Variants in THOP1 observed in about 807,000 individuals in gnomAD.
THOP1 encodes thimet oligopeptidase 1.
In THOP1, 49 loss-of-function variants were observed where a neutral mutation model predicts 71.8. The ratio of observed to expected loss-of-function variants is 0.68; its 90% confidence interval spans 0.54 to 0.87. The LOEUF (loss-of-function observed/expected upper bound fraction) is 0.87. Among genes scored for constraint, THOP1 ranks in the 40% least tolerant of loss-of-function variants. THOP1 has a pLI of 0.00. For missense variants in THOP1, 843 were observed against 975.6 expected, an observed-to-expected ratio of 0.86 and a Z score of 1.81; for synonymous variants, 426 against 421.5, an observed-to-expected ratio of 1.01 and a Z score of -0.13.
chr19:2,785,696 C>T lies in THOP1; in HGVS notation c.16+18C>T, dbSNP rs761894309. On this transcript the variant is annotated intron_variant, in intron 1 of 12. Transcript: ENST00000307741. ...CCCCGCAGGTACCGACTACCCCGCT[C>T]GCCGGACCCGGGCGTCCCCTGCACC... is the stretch of plus-strand genomic sequence containing the variant. 1.5e-5 allele frequency: 22 copies of T among 1,444,152 alleles called. No individual in the cohort carries two copies. The highest frequency in any genetic ancestry group is 1.4e-5 in the Non-Finnish European group (15 of 1,092,838). 89.5% of individuals were successfully genotyped at this position (1,444,152 alleles called of 1,614,324 possible). A position where few individuals can be genotyped will look rare whatever the true frequency, so the allele number is the denominator to read the frequency against.
At chr19:2,794,492 T>C (rs1915964003) in intron 2 of THOP1, among the ~76,000 whole-genome samples, 1 of 152,240 alleles carries the variant, frequency 6.6e-6, no homozygotes, top group African/African-American at 2.4e-5. Flanking sequence ...GGGTCCTCCT[T>C]GGCTTGGAGG....
At chr19:2,807,324 A>T in intron 7 of THOP1, 118 bp from the exon 8 acceptor site, 1 of 1,419,546 alleles carries the variant, frequency 7.0e-7, no homozygotes. Flanking sequence ...GTTGCCGGGA[A>T]CTGCGGGTCC....
rs895809674 is a variant in THOP1 at position 2,815,314 on chromosome 19, G to C, written c.*2038G>C. The C allele has an allele frequency of 6.6e-6, 1 of 152,306 alleles. No homozygotes were observed. The highest frequency in any genetic ancestry group is 2.1e-4 in the South Asian group (1 of 4,836). 9.4% of individuals were successfully genotyped at this position (152,306 alleles called of 1,614,324 possible). ...AGCAGAGCTGGGGTCACAGCCTTGG[G>C]CTGCTGGGCCGTGGGCGGATGGCCT... On this transcript the variant is annotated 3_prime_UTR_variant, in exon 13 of 13. Transcript: ENST00000307741.
chr19:2,798,600 A>G (rs995918997), intron 4 of THOP1, among the ~76,000 whole-genome samples: 13 of 152,228 alleles, frequency 8.5e-5, no homozygotes, highest in African/African-American at 2.7e-4. Flanking sequence ...TGAGATGGCA[A>G]GAGGGGGAGA....
chr19:2,790,595 C>A lies in THOP1; in HGVS notation c.191C>A (p.Thr64Lys). The A allele has an allele frequency of 6.3e-7, 1 of 1,591,812 alleles. No homozygotes were observed. The highest frequency in any genetic ancestry group is 1.8e-5 in the Admixed American group (1 of 56,608). Residue 64 changes from threonine (T) to lysine (K), a missense_variant, in exon 2 of 13, where the codon ACG becomes AAG. By Grantham distance (78) the Thr-to-Lys change is moderately conservative. Transcript: ENST00000307741. ...QEFEDVSYES[T>K]LKALADVEVT... ...TTTGAGGACGTGTCCTACGAGAGCA[C>A]GCTCAAGGCGCTGGCCGATGTGGAG...
chr19:2,809,276 G>C (rs1360907957), intron 9 of THOP1, among the ~76,000 whole-genome samples: 2 of 151,154 alleles, frequency 1.3e-5, no homozygotes, highest in African/African-American at 5.0e-5. Context: ...CCTGAGCACA[G>C]CTTGCACACA....
intron 9 of THOP1, among the ~76,000 whole-genome samples, chr19:2,808,661 G>T (rs774882474): frequency 6.6e-6 from 1 of 152,272 alleles, no homozygotes; most frequent in Admixed American, 6.5e-5. Flanking sequence ...CACAAGGTGC[G>T]TGTATTTCCT....
chr19:2,803,618 G>A (rs899744728), intron 5 of THOP1, among the ~76,000 whole-genome samples: 2 of 152,200 alleles, frequency 1.3e-5, no homozygotes, highest in Non-Finnish European at 2.9e-5. Context: ...ACACACTGTC[G>A]AGATGGAGAG....
chr19:2,793,159 C>T (rs1327105871), intron 2 of THOP1, among the ~76,000 whole-genome samples: 1 of 151,210 alleles, frequency 6.6e-6, no homozygotes, highest in African/African-American at 2.4e-5. Flanking sequence ...TGGGCAACAG[C>T]AGCGAAACTC....
intron 12 of THOP1, chr19:2,812,414 A>G (rs567676416): frequency 4.0e-5 from 58 of 1,465,318 alleles, no homozygotes; most frequent in African/African-American, 1.4e-4. Flanking sequence ...TGCTCCCTTT[A>G]TAGAGGTGCA....
Position 2,804,126 on chromosome 19 carries a change from G to A in THOP1, c.590-890G>A, listed in dbSNP as rs1362438493. ...TCCACTCTGACCGCCCTGGGGTTGAGGTGAACCAGTCTTTGCATTGAAGCT... is the reference window on the plus strand; with the variant it reads ...TCCACTCTGACCGCCCTGGGGTTGAAGTGAACCAGTCTTTGCATTGAAGCT... On this transcript the variant is annotated intron_variant, in intron 5 of 12. Transcript: ENST00000307741. The surrounding 1 kb of genome is among the most constrained non-coding windows in gnomAD (Gnocchi z 4.7). Among the ~76,000 whole-genome samples the A allele has an allele frequency of 6.6e-6, 1 of 152,232 alleles. No homozygotes were observed. Among genetic ancestry groups the A allele is most frequent in the African/African-American group, 2.4e-5 (1 of 41,460 alleles).
Position 2,813,419 on chromosome 19 carries a change from C to A in THOP1, c.*143C>A. ...CGGCTGTCTTGCCTCTTGTCATTGT[C>A]TGTCCCCACCCGGTCGTGGCCCACC... On this transcript the variant is annotated 3_prime_UTR_variant, in exon 13 of 13. Coordinates refer to ENST00000307741, the MANE Select transcript of THOP1 (RefSeq NM_003249.5). 9.3e-7 allele frequency: 1 copy of A among 1,074,112 alleles called. No homozygotes were observed. Among genetic ancestry groups the A allele is most frequent in the Non-Finnish European group, 1.3e-6 (1 of 777,172 alleles). 66.5% of individuals were successfully genotyped at this position (1,074,112 alleles called of 1,614,324 possible). A position where few individuals can be genotyped will look rare whatever the true frequency, so the allele number is the denominator to read the frequency against.
Position 2,808,497 on chromosome 19 carries a change from TG to T in THOP1, c.1455+54del. 2.0e-6 allele frequency: 3 copies of T among 1,513,516 alleles called. No homozygotes were observed. In the African/African-American group the frequency reaches 4.1e-5, roughly 21 times the overall value. The allele number at this position is 1,513,516 out of a possible 1,614,324, so 93.8% of individuals were successfully genotyped here. The stretch of plus-strand genomic sequence containing the variant: ...GGCAGGGGCAGGGGCAGGGGCTGCC[TG>T]TGGTCAGCGAGGCCCAAGCCTGGGG... On this transcript the variant is annotated intron_variant, in intron 9 of 12. Transcript: ENST00000307741.
rs745679604 is a variant in THOP1 at position 2,807,517 on chromosome 19, G to A, written c.962G>A (p.Cys321Tyr). Residue 321 changes from cysteine (C) to tyrosine (Y), a missense_variant, in exon 8 of 13, where the codon TGC becomes TAC. Transcript: ENST00000307741. ...ATTCTGGAGCTGAAGCGTGCGGAGT[G>A]CGAGCGCCGGGGCCTGCCCTTCGAC... is the stretch of plus-strand genomic sequence containing the variant. The part of the protein sequence containing the change: ...AVILELKRAE[C>Y]ERRGLPFDGR... 6.2e-6 allele frequency: 10 copies of A among 1,611,968 alleles called. No homozygotes were observed. The East Asian group carries it at 2.2e-4, about 36-fold the overall frequency.
intron 4 of THOP1, among the ~76,000 whole-genome samples, chr19:2,796,956 G>C (rs141367606): frequency 6.6e-6 from 1 of 152,316 alleles, no homozygotes; most frequent in Non-Finnish European, 1.5e-5. Flanking sequence ...GAAGTCAAGC[G>C]TAGTGTGTTA....
chr19:2,806,112 C>G (rs1221273978), intron 6 of THOP1: 1 of 152,416 alleles, frequency 6.6e-6, no homozygotes, highest in African/African-American at 2.4e-5. Flanking sequence ...CGTGGCCTGC[C>G]CTCTACATGT....
Position 2,802,532 on chromosome 19 carries a change from G to A in THOP1, c.590-2484G>A, listed in dbSNP as rs528696532. Among the ~76,000 whole-genome samples, 29 of 120,656 alleles carry A rather than the reference G, an allele frequency of 2.4e-4. No individual in the cohort carries two copies. The South Asian group carries it at 3.3e-3, about 14-fold the overall frequency. 79.2% of individuals were successfully genotyped at this position (120,656 alleles called of 152,430 possible). A position where few individuals can be genotyped will look rare whatever the true frequency, so the allele number is the denominator to read the frequency against. On this transcript the variant is annotated intron_variant, in intron 5 of 12. Coordinates refer to ENST00000307741, the MANE Select transcript of THOP1 (RefSeq NM_003249.5). ...ACACCTCACGACACCCACACCTCCC[G>A]ACACCAACACCTCCCGACACCAACA...
Position 2,813,214 on chromosome 19 carries a change from G to A in THOP1, c.2008G>A (p.Ala670Thr). The change falls in exon 13 of 13, where the codon GCC (alanine) becomes ACC (threonine). Residue 670 changes from alanine to threonine, a missense_variant. Ala to Thr is a moderately conservative substitution (Grantham distance 58, BLOSUM62 0). Transcript: ENST00000307741. Reference protein sequence around the residue: ...RFLGRDPKQDAFLLSKGLQVG... With the variant: ...RFLGRDPKQDTFLLSKGLQVG... Reference sequence around the variant, plus strand: ...CCTGGGCCGTGACCCCAAGCAGGACGCCTTCCTCCTGAGCAAGGGGCTGCA... The same window carrying A: ...CCTGGGCCGTGACCCCAAGCAGGACACCTTCCTCCTGAGCAAGGGGCTGCA... 1.1e-5 allele frequency: 17 copies of A among 1,612,346 alleles called. No individual in the cohort carries two copies. The highest frequency in any genetic ancestry group is 1.2e-5 in the Non-Finnish European group (14 of 1,179,778).
intron 3 of THOP1, 60 bp downstream of exon 3, chr19:2,794,972 C>T (rs923484285): frequency 3.1e-5 from 48 of 1,563,886 alleles, no homozygotes; most frequent in South Asian, 9.0e-5. Context: ...TACAGGCGCC[C>T]GCCACCACAC....
Sources: gnomAD v4.1 joint callset for allele counts (sites outside exome capture counted in the v4.1 genomes callset) on GRCh38, gnomAD v4.1.1 for gene constraint, Gnocchi (gnomAD v3.1) non-coding constraint, MANE v1.5 for transcripts, NCBI Gene and HGNC (gene_info 2026-07-23, HGNC 2026-07-21) for gene names.